Variants in GSAP observed in about 807,000 individuals in gnomAD.
GSAP encodes the protein gamma-secretase activating protein.
In GSAP, 118 loss-of-function variants were observed where a neutral mutation model predicts 131.7. That is an observed-to-expected ratio of 0.90 (90% CI 0.77 to 1.04). The LOEUF (loss-of-function observed/expected upper bound fraction) is 1.04. Ranked by LOEUF, GSAP falls within the 50% of genes least tolerant of loss-of-function variation. The probability of loss-of-function intolerance (pLI) is 0.00; values close to 1 mark genes in which losing one functional copy is unlikely to be tolerated. For missense variants in GSAP, 1,019 were observed against 1,013.2 expected (o/e 1.01, Z -0.08); for synonymous variants, 381 against 363.4 (o/e 1.05, Z -0.55).
intron 12 of GSAP, among the ~76,000 whole-genome samples, chr7:77,367,070 A>AT (rs1309163155): frequency 6.6e-6 from 1 of 152,120 alleles, no homozygotes; most frequent in East Asian, 1.9e-4. Context: ...CTGTACATTG[A>AT]TTTTGTATCC....
intron 10 of GSAP, among the ~76,000 whole-genome samples, chr7:77,375,708 G>T (rs1003129223): frequency 6.6e-6 from 1 of 151,980 alleles, no homozygotes; most frequent in Non-Finnish European, 1.5e-5. Flanking sequence ...GCTGGTCATG[G>T]TGACAGGTGC....
At chr7:77,388,828 A>G (rs1584676579) in intron 5 of GSAP, among the ~76,000 whole-genome samples, 1 of 152,362 alleles carries the variant, frequency 6.6e-6, no homozygotes, top group Admixed American at 6.5e-5. Context: ...GTCTGGATCT[A>G]TCTATAAACA....
chr7:77,342,904 A>G (rs536214008), intron 19 of GSAP, among the ~76,000 whole-genome samples: 1 of 152,126 alleles, frequency 6.6e-6, no homozygotes, highest in South Asian at 2.1e-4. Flanking sequence ...CCTATCCTCA[A>G]TACCTCCCTC....
chr7:77,393,666 T>C (rs1220307901), intron 5 of GSAP, among the ~76,000 whole-genome samples: 1 of 150,096 alleles, frequency 6.7e-6, no homozygotes, highest in Admixed American at 6.7e-5. Flanking sequence ...TATATACATA[T>C]ATACTTTCTT....
chr7:77,411,055 G>C (rs572281748), intron 1 of GSAP, among the ~76,000 whole-genome samples: 41 of 132,388 alleles, frequency 3.1e-4, no homozygotes, highest in African/African-American at 1.1e-3. Flanking sequence ...GAAAGAATTA[G>C]CGGAAAAAAA....
chr7:77,339,717 AC>A (rs1790606117), intron 19 of GSAP, among the ~76,000 whole-genome samples: 1 of 152,198 alleles, frequency 6.6e-6, no homozygotes, highest in Non-Finnish European at 1.5e-5. Context: ...CATTTTACAC[AC>A]ACCCACACAC....
In GSAP at chr7:77,382,500, T is replaced by G. The variant is rs73362755; in HGVS notation, c.526+74A>C. On this transcript the variant is annotated intron_variant, in intron 7 of 30. Coordinates refer to ENST00000257626, the MANE Select transcript of GSAP (RefSeq NM_017439.4). ...CAATGGCAGGTGGATATCTAGAAGATTCAATCATGTACCACACTAGGAGAC... is the reference window on the plus strand; with the variant it reads ...CAATGGCAGGTGGATATCTAGAAGAGTCAATCATGTACCACACTAGGAGAC... 6,820 of 779,984 alleles carry G rather than the reference T, an allele frequency of 8.7e-3. 302 individuals are homozygous for G. The African/African-American group carries it at 0.098, about 11-fold the overall frequency. 48.3% of individuals were successfully genotyped at this position (779,984 alleles called of 1,614,324 possible). A position where few individuals can be genotyped will look rare whatever the true frequency, so the allele number is the denominator to read the frequency against.
chr7:77,375,382 G>A (rs1356502529), intron 10 of GSAP, among the ~76,000 whole-genome samples: 1 of 152,162 alleles, frequency 6.6e-6, no homozygotes, highest in Non-Finnish European at 1.5e-5. Context: ...TCAAAAACAG[G>A]TTGTACAATA....
intron 5 of GSAP, 132 bp downstream of exon 5, chr7:77,396,850 A>C (rs550949181): frequency 8.3e-5 from 44 of 533,092 alleles, no homozygotes; most frequent in Non-Finnish European, 1.4e-4. Context: ...GCTTGACATG[A>C]CCTTTGCCTT....
intron 18 of GSAP, among the ~76,000 whole-genome samples, chr7:77,350,329 CGA>C (rs1792645994): frequency 7.0e-6 from 1 of 143,448 alleles, no homozygotes; most frequent in Non-Finnish European, 1.5e-5. Flanking sequence ...TGCTAAATGA[CGA>C]GTTAATGGGT....
chr7:77,392,321 G>C (rs1799696022), intron 5 of GSAP, among the ~76,000 whole-genome samples: 1 of 151,962 alleles, frequency 6.6e-6, no homozygotes, highest in Non-Finnish European at 1.5e-5. Flanking sequence ...GCTGAGGTGG[G>C]CGGATTCCCT....
intron 9 of GSAP, 113 bp from the exon 10 acceptor site, chr7:77,377,020 T>C: frequency 2.9e-6 from 2 of 681,942 alleles, no homozygotes; most frequent in Non-Finnish European, 5.0e-6. Flanking sequence ...ATTAGTGAAC[T>C]GCAGTAATAA....
chr7:77,346,084 A>G (rs1156343622), intron 19 of GSAP, among the ~76,000 whole-genome samples: 2 of 151,684 alleles, frequency 1.3e-5, no homozygotes, highest in South Asian at 2.1e-4. Flanking sequence ...AGCCTGACCA[A>G]CATGGTGAAA....
chr7:77,348,936 CTG>C lies in GSAP; in HGVS notation c.1545+413_1545+414del, dbSNP rs143107394. On this transcript the variant is annotated intron_variant, in intron 19 of 30. Transcript: ENST00000257626. Reference sequence around the variant, plus strand: ...CTTAATGGTTTTAAGACTGGAAATTCTGTGTGTGTGTGTGTGTGCACGTGCAC... The same window carrying C: ...CTTAATGGTTTTAAGACTGGAAATTCTGTGTGTGTGTGTGTGCACGTGCAC... Among the ~76,000 whole-genome samples, 13 of 150,884 alleles carry C rather than the reference CTG, an allele frequency of 8.6e-5. No individual in the cohort carries two copies. In the East Asian group the frequency reaches 1.4e-3, roughly 16 times the overall value.
chr7:77,404,552 T>G lies in GSAP; in HGVS notation c.243+7A>C. 2 of 1,497,154 alleles carry G rather than the reference T, an allele frequency of 1.3e-6. No individual in the cohort carries two copies. Among genetic ancestry groups the G allele is most frequent in the Non-Finnish European group, 1.9e-6 (2 of 1,076,086 alleles). The allele number at this position is 1,497,154 out of a possible 1,614,324, so 92.7% of individuals were successfully genotyped here. A position where few individuals can be genotyped will look rare whatever the true frequency, so the allele number is the denominator to read the frequency against. The stretch of plus-strand genomic sequence containing the variant: ...AAAGTAACCAATGAGTAATCTATGA[T>G]TTTTACCTCATTTTGTCTGGTTTGA... On this transcript the variant is annotated splice_region_variant and intron_variant, in intron 3 of 30. Coordinates refer to ENST00000257626, the MANE Select transcript of GSAP (RefSeq NM_017439.4).
At chr7:77,338,178 A>ATCAT (rs1790314392) in intron 19 of GSAP, among the ~76,000 whole-genome samples, 1 of 151,914 alleles carries the variant, frequency 6.6e-6, no homozygotes, top group Non-Finnish European at 1.5e-5. Flanking sequence ...CAATCAATCA[A>ATCAT]TCAAAATTTT....
At chr7:77,330,824 T>G in intron 19 of GSAP, 2 of 984,038 alleles carry the variant, frequency 2.0e-6, no homozygotes, top group Non-Finnish European at 2.4e-6. Context: ...TAAATTTATT[T>G]ACTGCCCAGG....
At position 77,334,580 on chromosome 7, in the gene GSAP, TAAAAAAAAAAA is replaced by T. The variant is rs57442782; in HGVS notation, c.1546-4224_1546-4214del. Among the ~76,000 whole-genome samples, 132 of 81,954 alleles carry T rather than the reference TAAAAAAAAAAA, an allele frequency of 1.6e-3. 2 individuals carry two copies. The highest frequency in any genetic ancestry group is 6.0e-3 in the African/African-American group (122 of 20,206). 53.8% of individuals were successfully genotyped at this position (81,954 alleles called of 152,430 possible). On this transcript the variant is annotated intron_variant, in intron 19 of 30. Transcript: ENST00000257626. ...CCCATGTATCCTGGAACTTAAAATT[TAAAAAAAAAAA>T]AAAAAAAAAAAAAAAGATGAACCTG...
intron 18 of GSAP, among the ~76,000 whole-genome samples, chr7:77,349,617 T>C (rs1182970888): frequency 1.3e-5 from 2 of 152,158 alleles, no homozygotes; most frequent in Admixed American, 1.3e-4. Context: ...GTCACAATTA[T>C]AATAGGTGAC....
Sources: allele counts gnomAD v4.1 joint callset (sites outside exome capture counted in the v4.1 genomes callset), GRCh38; gene constraint gnomAD v4.1.1; transcripts MANE v1.5; gene names NCBI Gene and HGNC (gene_info 2026-07-23, HGNC 2026-07-21).